The following FSTL4 variants were observed in gnomAD, a reference collection of about 807,000 sequenced individuals.
FSTL4 encodes follistatin like 4.
In FSTL4, 28 loss-of-function variants were observed where a neutral mutation model predicts 78.2. That is an observed-to-expected ratio of 0.36 (90% CI 0.27 to 0.49). The LOEUF is 0.49. Ranked by LOEUF, FSTL4 falls within the 20% of genes least tolerant of loss-of-function variation. The pLI, the probability that FSTL4 is intolerant of heterozygous loss-of-function variation, is 0.98. For synonymous variants in FSTL4, 422 were observed against 440.5 expected, an observed-to-expected ratio of 0.96 and a Z score of 0.53; for missense variants, 922 against 1,084.9, an observed-to-expected ratio of 0.85 and a Z score of 2.11.
chr5:133,383,093 C>T (rs1755613332), intron 4 of FSTL4, among the ~76,000 whole-genome samples: 1 of 152,180 alleles, frequency 6.6e-6, no homozygotes, highest in African/African-American at 2.4e-5. Flanking sequence ...TGACCAGCTA[C>T]TCCCCAGCTG....
Position 133,199,929 on chromosome 5 carries a change from A to G in FSTL4, c.1827-132T>C. On this transcript the variant is annotated intron_variant, in intron 15 of 15. Coordinates refer to ENST00000265342, the MANE Select transcript of FSTL4 (RefSeq NM_015082.2). The surrounding 1 kb of genome is among the most constrained non-coding windows in gnomAD (Gnocchi z 4.4). Reference sequence around the variant, plus strand: ...AGTGATCTAATAGCCTAGTAATAAGATCTATCATTCTGCAGGGGATGTCTT... The same window carrying G: ...AGTGATCTAATAGCCTAGTAATAAGGTCTATCATTCTGCAGGGGATGTCTT... 1.7e-6 allele frequency: 1 copy of G among 604,440 alleles called. No homozygotes were observed. The allele number at this position is 604,440 out of a possible 1,614,324, so 37.4% of individuals were successfully genotyped here. A position where few individuals can be genotyped will look rare whatever the true frequency, so the allele number is the denominator to read the frequency against.
At chr5:133,322,983 T>C (rs544400495) in intron 4 of FSTL4, among the ~76,000 whole-genome samples, 1 of 152,280 alleles carries the variant, frequency 6.6e-6, no homozygotes, top group Admixed American at 6.5e-5. Context: ...AGCATTACAG[T>C]ATGAAATGCT....
At chr5:133,568,495 C>T (rs111654978) in intron 2 of FSTL4, among the ~76,000 whole-genome samples, 3 of 152,202 alleles carry the variant, frequency 2.0e-5, no homozygotes, top group African/African-American at 7.2e-5. Flanking sequence ...GTTGTCCTAC[C>T]CAAATTACAT....
the FSTL4 span, among the ~76,000 whole-genome samples, chr5:133,636,210 C>T: frequency 6.6e-6 from 1 of 152,180 alleles, no homozygotes; most frequent in African/African-American, 2.4e-5. Context: ...GGTCCCAGAA[C>T]AGAAGCCTGA....
rs149639509 is a variant in FSTL4 at position 133,557,505 on chromosome 5, C to G, written c.160+9681G>C. ...TCTCACTTCATGATATCCTGACCAG[C>G]GGTATGGCTGGTGACTTCAGGAAAC... is the stretch of plus-strand genomic sequence containing the variant. On this transcript the variant is annotated intron_variant, in intron 3 of 15. Coordinates refer to ENST00000265342, the MANE Select transcript of FSTL4 (RefSeq NM_015082.2). Among the ~76,000 whole-genome samples, 489 of 152,346 alleles carry G rather than the reference C, an allele frequency of 3.2e-3. 6 individuals are homozygous for G. The highest frequency in any genetic ancestry group is 0.014 in the Middle Eastern group (4 of 294).
At chr5:133,367,968 C>T (rs1755212968) in intron 4 of FSTL4, among the ~76,000 whole-genome samples, 1 of 152,240 alleles carries the variant, frequency 6.6e-6, no homozygotes, top group Admixed American at 6.5e-5. Flanking sequence ...GGATCAAGAT[C>T]CCAGAGTCTA....
intron 2 of FSTL4, among the ~76,000 whole-genome samples, chr5:133,578,253 T>C (rs1760327183): frequency 6.6e-6 from 1 of 152,278 alleles, no homozygotes; most frequent in Non-Finnish European, 1.5e-5. Flanking sequence ...GACCTGGGAA[T>C]ACCAACTTTA....
intron 6 of FSTL4, among the ~76,000 whole-genome samples, chr5:133,274,451 C>T (rs899695960): frequency 1.7e-5 from 2 of 115,984 alleles, no homozygotes; most frequent in Non-Finnish European, 3.3e-5. Context: ...CTGAGCTTCT[C>T]ATCCATTCAA....
At chr5:133,671,771 G>T in the FSTL4 span, among the ~76,000 whole-genome samples, 4 of 152,246 alleles carry the variant, frequency 2.6e-5, no homozygotes, top group African/African-American at 4.8e-5. Context: ...GAAGTAACTT[G>T]TGGAATGCTG....
At chr5:133,766,176 A>G in the FSTL4 span, among the ~76,000 whole-genome samples, 1 of 152,198 alleles carries the variant, frequency 6.6e-6, no homozygotes, top group South Asian at 2.1e-4. Context: ...GCCAAGTTCA[A>G]CCCATGGTCT....
chr5:133,254,573 C>A (rs1383988160), intron 6 of FSTL4, among the ~76,000 whole-genome samples: 1 of 152,182 alleles, frequency 6.6e-6, no homozygotes, highest in Non-Finnish European at 1.5e-5. Flanking sequence ...GCAGAGAGGG[C>A]CCCCTCCCTT....
chr5:133,654,039 G>A, the FSTL4 span, among the ~76,000 whole-genome samples: 8 of 152,330 alleles, frequency 5.3e-5, no homozygotes, highest in Admixed American at 1.3e-4. Flanking sequence ...GAAAACTCTA[G>A]GGGCCCTAAA....
chr5:133,492,603 T>TTTC (rs1758288853), intron 3 of FSTL4, among the ~76,000 whole-genome samples: 1 of 152,200 alleles, frequency 6.6e-6, no homozygotes, highest in African/African-American at 2.4e-5. Flanking sequence ...AGAATCTTTT[T>TTTC]TTCTTCTTTG....
At chr5:133,645,412 C>T in the FSTL4 span, among the ~76,000 whole-genome samples, 1 of 152,076 alleles carries the variant, frequency 6.6e-6, no homozygotes, top group African/African-American at 2.4e-5. Flanking sequence ...GAAAGGACAC[C>T]CAAGGTCAGG....
intron 3 of FSTL4, among the ~76,000 whole-genome samples, chr5:133,551,074 C>T (rs1384248481): frequency 6.6e-6 from 1 of 152,128 alleles, no homozygotes; most frequent in African/African-American, 2.4e-5. Flanking sequence ...TTACTTAGAA[C>T]ATGTTTCTAA....
At chr5:133,770,335 T>C in the FSTL4 span, among the ~76,000 whole-genome samples, 1 of 152,206 alleles carries the variant, frequency 6.6e-6, no homozygotes, top group Non-Finnish European at 1.5e-5. Flanking sequence ...CTAATTTACA[T>C]TCCCACCAAC....
In FSTL4 at chr5:133,541,927, G is replaced by GACACACACACACAC. The variant is rs61471971; in HGVS notation, c.160+25245_160+25258dup. On this transcript the variant is annotated intron_variant, in intron 3 of 15. Transcript: ENST00000265342. ...GCACACAGAGCTAGAGAATGTTACAGACACACACACACACACACACACACT... is the reference window on the plus strand; with the variant it reads ...GCACACAGAGCTAGAGAATGTTACAGACACACACACACACACACACACACACACACACACACACT... 6.6e-3 allele frequency among the ~76,000 whole-genome samples: 982 copies of GACACACACACACAC among 148,314 alleles called. 11 individuals are homozygous for GACACACACACACAC. Among genetic ancestry groups the GACACACACACACAC allele is most frequent in the East Asian group, 0.018 (88 of 4,988 alleles).
At chr5:133,758,278 C>A in the FSTL4 span, among the ~76,000 whole-genome samples, 4 of 152,134 alleles carry the variant, frequency 2.6e-5, no homozygotes, top group South Asian at 6.2e-4. Flanking sequence ...TCACTGAATT[C>A]ATCAATTTTT....
chr5:133,823,539 G>A, the FSTL4 span, among the ~76,000 whole-genome samples: 1 of 152,180 alleles, frequency 6.6e-6, no homozygotes, highest in Non-Finnish European at 1.5e-5. Context: ...GGATGTCAGA[G>A]ACTCAAACAC....
Sources: gnomAD v4.1 joint callset for allele counts (sites outside exome capture counted in the v4.1 genomes callset) on GRCh38, gnomAD v4.1.1 for gene constraint, Gnocchi (gnomAD v3.1) non-coding constraint, MANE v1.5 for transcripts, NCBI Gene and HGNC (gene_info 2026-07-23, HGNC 2026-07-21) for gene names.